The following CACNB2 variants were observed in gnomAD, a reference collection of about 807,000 sequenced individuals.
The protein encoded by CACNB2 is voltage-dependent L-type calcium channel subunit beta-2.
A neutral mutation model predicts 73.3 loss-of-function variants in CACNB2; 42 were observed. The ratio of observed to expected loss-of-function variants is 0.57; its 90% CI spans 0.45 to 0.74. The LOEUF is 0.74. CACNB2 is among the 30% of genes least tolerant of loss of function. The probability of loss-of-function intolerance (pLI) is 0.00; values close to 1 mark genes in which losing one functional copy is unlikely to be tolerated. For synonymous variants in CACNB2, 348 were observed against 310.3 expected (o/e 1.12, Z -1.28); for missense variants, 940 against 853.0 (o/e 1.10, Z -1.27).
intron 2 of CACNB2, among the ~76,000 whole-genome samples, chr10:18,283,124 C>T (rs551184304): frequency 6.6e-6 from 1 of 152,168 alleles, no homozygotes; most frequent in Non-Finnish European, 1.5e-5. Context: ...CAATGAGATA[C>T]TATCTCACAC....
At chr10:18,492,082 G>T (rs904306120) in intron 3 of CACNB2, among the ~76,000 whole-genome samples, 1 of 152,120 alleles carries the variant, frequency 6.6e-6, no homozygotes, top group Non-Finnish European at 1.5e-5. Flanking sequence ...AGGGAAAGCA[G>T]GCATATCATA....
intron 2 of CACNB2, among the ~76,000 whole-genome samples, chr10:18,344,372 CTT>C (rs201109681): frequency 1.3e-4 from 19 of 141,462 alleles, no homozygotes; most frequent in Admixed American, 2.1e-4. Context: ...ATTGACAAAA[CTT>C]TTTTTTTTTT....
intron 2 of CACNB2, among the ~76,000 whole-genome samples, chr10:18,289,249 T>C (rs1404617886): frequency 6.6e-6 from 1 of 150,860 alleles, no homozygotes; most frequent in Non-Finnish European, 1.5e-5. Context: ...TCATTCAAAA[T>C]CAATCTTACG....
rs1164745930 is a variant in CACNB2, at chr10:18,228,433, C to CAAAAAAAAAAAAAAAAAAAA, written c.213+77474_213+77475insAAAAAAAAAAAAAAAAAAAA. Among the ~76,000 whole-genome samples the CAAAAAAAAAAAAAAAAAAAA allele has an allele frequency of 2.0e-3, 68 of 34,746 alleles. 2 individuals carry two copies. Among genetic ancestry groups the CAAAAAAAAAAAAAAAAAAAA allele is most frequent in the African/African-American group, 2.9e-3 (27 of 9,378 alleles). The allele number at this position is 34,746 out of a possible 152,430, so 22.8% of individuals were successfully genotyped here. A position where few individuals can be genotyped will look rare whatever the true frequency, so the allele number is the denominator to read the frequency against. ...GAGCAACAAGAGCAAAACTCTACCTCAAAAAAAAAAAAAAAAGAAAAAAAA... is the reference window on the plus strand; with the variant it reads ...GAGCAACAAGAGCAAAACTCTACCTCAAAAAAAAAAAAAAAAAAAAAAAAAAAAAAAAAAAAGAAAAAAAA... On this transcript the variant is annotated intron_variant, in intron 2 of 13. Transcript: ENST00000324631.
intron 3 of CACNB2, among the ~76,000 whole-genome samples, chr10:18,472,766 A>C (rs115346352): frequency 0.015 from 2,246 of 152,330 alleles, 57 homozygotes; most frequent in African/African-American, 0.051. Flanking sequence ...GCAGCCTTTC[A>C]GGAAGAATTT....
chr10:18,290,170 A>G (rs1248658443), intron 2 of CACNB2, among the ~76,000 whole-genome samples: 2 of 118,866 alleles, frequency 1.7e-5, no homozygotes, highest in African/African-American at 6.7e-5. Flanking sequence ...TGGGACTATA[A>G]GCGCGCGCCA....
chr10:18,259,319 A>G (rs780013131), intron 2 of CACNB2, among the ~76,000 whole-genome samples: 5 of 151,578 alleles, frequency 3.3e-5, no homozygotes, highest in African/African-American at 4.9e-5. Flanking sequence ...TAATCCTAGC[A>G]CTTTGGGAGG....
chr10:18,345,536 C>T (rs891909484), intron 2 of CACNB2, among the ~76,000 whole-genome samples: 2 of 152,142 alleles, frequency 1.3e-5, no homozygotes, highest in Non-Finnish European at 1.5e-5. Flanking sequence ...AACTCCCATC[C>T]GTCTGTCTCT....
rs2054098317 is a variant in CACNB2 at position 18,542,217 on chromosome 10, A to G, written c.*2493A>G. On this transcript the variant is annotated 3_prime_UTR_variant, in exon 14 of 14. Transcript: ENST00000324631. ...AAGAAAATAAAAATTAGTTACATAT[A>G]TAATGTTTTATCAGCTTATATATGA... 1 of 152,302 alleles carries G rather than the reference A, an allele frequency of 6.6e-6. No homozygotes were observed. Among genetic ancestry groups the G allele is most frequent in the South Asian group, 2.1e-4 (1 of 4,832 alleles). 9.4% of individuals were successfully genotyped at this position (152,302 alleles called of 1,614,324 possible). A position where few individuals can be genotyped will look rare whatever the true frequency, so the allele number is the denominator to read the frequency against.
chr10:18,435,175 G>A (rs1240583489), intron 3 of CACNB2, among the ~76,000 whole-genome samples: 2 of 152,160 alleles, frequency 1.3e-5, no homozygotes, highest in Admixed American at 6.5e-5. Context: ...CTCATTGCAA[G>A]GAGTCCAACC....
chr10:18,395,446 T>A (rs577641983), intron 2 of CACNB2, among the ~76,000 whole-genome samples: 7 of 151,684 alleles, frequency 4.6e-5, no homozygotes, highest in East Asian at 3.9e-4. Flanking sequence ...TGGTGCCTTT[T>A]AAAAAAAAAT....
At chr10:18,496,526 G>T (rs1353822843) in intron 3 of CACNB2, among the ~76,000 whole-genome samples, 1 of 152,090 alleles carries the variant, frequency 6.6e-6, no homozygotes, top group Non-Finnish European at 1.5e-5. Context: ...TTAAAGAATA[G>T]GTTAAGCCGG....
chr10:18,235,694 G>C (rs559669310), intron 2 of CACNB2, among the ~76,000 whole-genome samples: 1 of 152,284 alleles, frequency 6.6e-6, no homozygotes, highest in East Asian at 1.9e-4. Flanking sequence ...AAACTGACTG[G>C]TCTTGGCTCT....
chr10:18,239,340 A>G (rs926627355), intron 2 of CACNB2, among the ~76,000 whole-genome samples: 1 of 152,020 alleles, frequency 6.6e-6, no homozygotes, highest in African/African-American at 2.4e-5. Context: ...TCCAGTGTCT[A>G]TTATTCCACT....
At chr10:18,415,107 A>G (rs571973751) in intron 3 of CACNB2, among the ~76,000 whole-genome samples, 2 of 152,328 alleles carry the variant, frequency 1.3e-5, no homozygotes, top group South Asian at 4.1e-4. Flanking sequence ...TTCCTCAAGA[A>G]GCTCATGGTC....
chr10:18,402,173 C>A lies in CACNB2; in HGVS notation c.333+130C>A. 8.8e-6 allele frequency: 9 copies of A among 1,025,594 alleles called. No individual in the cohort carries two copies. In the Admixed American group the frequency reaches 9.4e-5, roughly 11 times the overall value. The allele number at this position is 1,025,594 out of a possible 1,614,324, so 63.5% of individuals were successfully genotyped here. A position where few individuals can be genotyped will look rare whatever the true frequency, so the allele number is the denominator to read the frequency against. On this transcript the variant is annotated intron_variant, in intron 3 of 13. Coordinates refer to ENST00000324631, the MANE Select transcript of CACNB2 (RefSeq NM_201596.3). ...TTCATTGTCTGGTTTTAGAAAGGTA[C>A]AAAAAATGGAGCCTAGTTTCTTCCC...
chr10:18,203,514 T>G (rs2034970418), intron 2 of CACNB2, among the ~76,000 whole-genome samples: 1 of 152,142 alleles, frequency 6.6e-6, no homozygotes, highest in Middle Eastern at 3.4e-3. Context: ...TGCTCTATTT[T>G]TCCACATTAC....
intron 2 of CACNB2, among the ~76,000 whole-genome samples, chr10:18,174,915 T>C (rs2033490306): frequency 6.6e-6 from 1 of 152,214 alleles, no homozygotes; most frequent in Non-Finnish European, 1.5e-5. Context: ...CTTTTCACTT[T>C]GGTTTTCAGA....
intron 7 of CACNB2, chr10:18,514,666 C>A: frequency 9.7e-7 from 1 of 1,029,334 alleles, no homozygotes; most frequent in South Asian, 1.3e-5. Context: ...TCATGCATTT[C>A]AAACCAACTA....
Sources: gnomAD v4.1 joint callset for allele counts (sites outside exome capture counted in the v4.1 genomes callset) on GRCh38, gnomAD v4.1.1 for gene constraint, MANE v1.5 for transcripts, NCBI Gene and HGNC (gene_info 2026-07-23, HGNC 2026-07-21) for gene names.